PON1: variants seen among roughly 807,000 people sequenced by gnomAD.
PON1 encodes the protein serum paraoxonase/arylesterase 1.
In PON1, 37 loss-of-function variants were observed where a neutral mutation model predicts 39.2. The observed-to-expected ratio is 0.94, with a 90% confidence interval of 0.73 to 1.24. The LOEUF (loss-of-function observed/expected upper bound fraction) is 1.24, where lower values mean the gene tolerates loss of function less well. PON1 is among the 50% of genes most tolerant of loss of function. The probability of loss-of-function intolerance (pLI) is 0.00; values close to 1 mark genes in which losing one functional copy is unlikely to be tolerated. For missense variants in PON1, 397 were observed against 413.5 expected (o/e 0.96, Z 0.35); for synonymous variants, 148 against 152.2 (o/e 0.97, Z 0.21).
chr7:95,298,401 C>A lies in PON1; in HGVS notation c.*543G>T. 1.2e-5 allele frequency: 2 copies of A among 165,394 alleles called. No homozygotes were observed. The highest frequency in any genetic ancestry group is 1.6e-4 in the South Asian group (1 of 6,330). 10.2% of individuals were successfully genotyped at this position (165,394 alleles called of 1,614,324 possible). A position where few individuals can be genotyped will look rare whatever the true frequency, so the allele number is the denominator to read the frequency against. ...TATTTACTGAGAAAAAGTCATATATCGAAGGGAAAATGGGAGTAAGTAAGT... is the reference window on the plus strand; with the variant it reads ...TATTTACTGAGAAAAAGTCATATATAGAAGGGAAAATGGGAGTAAGTAAGT... On this transcript the variant is annotated 3_prime_UTR_variant, in exon 9 of 9. Coordinates refer to ENST00000222381, the MANE Select transcript of PON1 (RefSeq NM_000446.7).
In PON1 at chr7:95,308,143, G is replaced by T. The variant is rs766568477; in HGVS notation, c.566C>A (p.Pro189His). ...ATACATCTCCCAGGATTGTAAGTAG[G>T]GGTCAAGAAAATAGTGATCATTTGT... ...YGTNDHYFLD[P>H]YLQSWEMYLG... The change falls in exon 6 of 9, where the codon CCC becomes CAC. Residue 189 changes from proline to histidine, a missense_variant. By Grantham distance (77) the Pro-to-His change is moderately conservative. Transcript: ENST00000222381. 9.3e-6 allele frequency: 15 copies of T among 1,614,082 alleles called. 1 individual carries two copies. Among genetic ancestry groups the T allele is most frequent in the Middle Eastern group, 1.7e-4 (1 of 6,058 alleles).
intron 5 of PON1, among the ~76,000 whole-genome samples, chr7:95,309,392 T>A (rs1468820345): frequency 6.6e-6 from 1 of 152,130 alleles, no homozygotes; most frequent in Non-Finnish European, 1.5e-5. Flanking sequence ...GATTTTACTC[T>A]CTCTTTTTTA....
At chr7:95,299,149 AAAC>A (rs775192550) in intron 8 of PON1, 47 bp from the exon 9 acceptor site, 10 of 1,561,066 alleles carry the variant, frequency 6.4e-6, no homozygotes, top group Non-Finnish European at 5.3e-6. Flanking sequence ...AAGTCACTTA[AAAC>A]AACCTTATGC....
chr7:95,322,350 GTATATATATATA>G (rs59115637), intron 1 of PON1, among the ~76,000 whole-genome samples: 1 of 134,804 alleles, frequency 7.4e-6, no homozygotes, highest in African/African-American at 2.7e-5. Flanking sequence ...GTGTGTGTGT[GTATATATATATA>G]TATATGCTGT....
intron 1 of PON1, among the ~76,000 whole-genome samples, chr7:95,318,961 T>C (rs992338207): frequency 2.6e-4 from 40 of 152,162 alleles, no homozygotes; most frequent in Admixed American, 7.8e-4. Flanking sequence ...AGCGACTTAT[T>C]AGATATGAGT....
At chr7:95,303,609 G>A (rs756565416) in intron 7 of PON1, among the ~76,000 whole-genome samples, 9 of 152,246 alleles carry the variant, frequency 5.9e-5, no homozygotes, top group African/African-American at 1.4e-4. Flanking sequence ...TGCAAGGAAC[G>A]CAACACCTGG....
chr7:95,311,246 C>T (rs1026632306), intron 5 of PON1, among the ~76,000 whole-genome samples: 1 of 151,952 alleles, frequency 6.6e-6, no homozygotes, highest in Non-Finnish European at 1.5e-5. Context: ...CCAATCAGCT[C>T]GAGAAACAAG....
chr7:95,324,449 G>A lies in PON1; in HGVS notation c.27C>T (p.Leu9=). The stretch of plus-strand genomic sequence containing the variant: ...TGAAGAGTGCCAGTCCCATCCCCAA[G>A]AGGGTGAGCGCAATCAGCTTCGCCA... MAKLIALT[L]LGMGLALFRN... is the part of the protein sequence containing the mutation. The change falls in exon 1 of 9, where the codon CTC becomes CTT. Residue 9 remains leucine (L), a synonymous_variant. Coordinates refer to ENST00000222381, the MANE Select transcript of PON1 (RefSeq NM_000446.7). 1 of 1,614,206 alleles carries A rather than the reference G, an allele frequency of 6.2e-7. No homozygotes were observed. Among genetic ancestry groups the A allele is most frequent in the Middle Eastern group, 1.6e-4 (1 of 6,062 alleles).
chr7:95,297,836 T>G lies in PON1; in HGVS notation c.*1108A>C, dbSNP rs752984651. The G allele has an allele frequency of 6.6e-6, 1 of 152,092 alleles. No individual in the cohort carries two copies. The highest frequency in any genetic ancestry group is 1.5e-5 in the Non-Finnish European group (1 of 68,008). The allele number at this position is 152,092 out of a possible 1,614,324, so 9.4% of individuals were successfully genotyped here. ...GAAAAAAATTTGTTTCTAAAGTCAC[T>G]GCCTTAACACCCTGAAGAAGTAATT... On this transcript the variant is annotated 3_prime_UTR_variant, in exon 9 of 9. Transcript: ENST00000222381.
intron 2 of PON1, among the ~76,000 whole-genome samples, chr7:95,317,320 AAGTT>A (rs1807789680): frequency 2.0e-5 from 3 of 152,130 alleles, no homozygotes; most frequent in African/African-American, 2.4e-5. Context: ...TACTGTCTTC[AAGTT>A]AGTTATACTT....
intron 7 of PON1, among the ~76,000 whole-genome samples, chr7:95,302,666 CATCTCCTTCTAAAA>C (rs1355999417): frequency 2.0e-5 from 3 of 151,820 alleles, no homozygotes; most frequent in African/African-American, 7.3e-5. Flanking sequence ...CATCATAAAA[CATCTCCTTCTAAAA>C]TGGCATGTGG....
intron 7 of PON1, among the ~76,000 whole-genome samples, chr7:95,303,195 C>A (rs1807469814): frequency 1.3e-5 from 2 of 152,148 alleles, no homozygotes. Context: ...TGCAGAAAAC[C>A]AACGTTTCCC....
intron 7 of PON1, among the ~76,000 whole-genome samples, chr7:95,302,710 A>G (rs371381375): frequency 3.5e-4 from 54 of 152,356 alleles, no homozygotes; most frequent in African/African-American, 1.3e-3. Context: ...TTTTATAAGC[A>G]TTCAGAAAAC....
intron 1 of PON1, chr7:95,318,599 G>T: frequency 1.9e-6 from 1 of 535,010 alleles, no homozygotes; most frequent in Non-Finnish European, 3.4e-6. Context: ...TTTAGCAGAG[G>T]TGGATAGGTA....
Position 95,312,426 on chromosome 7 carries a change from GAGA to G in PON1, c.371-852_371-850del. 1.3e-5 allele frequency among the ~76,000 whole-genome samples: 2 copies of G among 152,196 alleles called. 1 individual carries two copies. On this transcript the variant is annotated intron_variant, in intron 4 of 8. Coordinates refer to ENST00000222381, the MANE Select transcript of PON1 (RefSeq NM_000446.7). ...GATGCAAAATTTGGCAGGTTGAATT[GAGA>G]AGATTTGAACAGAGAAAGCTGCTAA...
Position 95,298,759 on chromosome 7 carries a change from A to C in PON1, c.*185T>G. Reference sequence around the variant, plus strand: ...TCAAGTATTCCAAGACTGATTTGATAGTGTATTCTCAAAAAAAAGCCCTAC... The same window carrying C: ...TCAAGTATTCCAAGACTGATTTGATCGTGTATTCTCAAAAAAAAGCCCTAC... On this transcript the variant is annotated 3_prime_UTR_variant, in exon 9 of 9. Coordinates refer to ENST00000222381, the MANE Select transcript of PON1 (RefSeq NM_000446.7). The C allele has an allele frequency of 1.5e-6, 1 of 685,106 alleles. No individual in the cohort carries two copies. The highest frequency in any genetic ancestry group is 1.7e-5 in the South Asian group (1 of 59,044). 42.4% of individuals were successfully genotyped at this position (685,106 alleles called of 1,614,324 possible). A position where few individuals can be genotyped will look rare whatever the true frequency, so the allele number is the denominator to read the frequency against.
chr7:95,300,642 T>A (rs1036922383), intron 8 of PON1, among the ~76,000 whole-genome samples: 2 of 152,200 alleles, frequency 1.3e-5, no homozygotes, highest in African/African-American at 4.8e-5. Flanking sequence ...GATAAGGAAT[T>A]GTTACTACTT....
chr7:95,308,720 C>A (rs147213149), intron 5 of PON1, among the ~76,000 whole-genome samples: 31 of 152,248 alleles, frequency 2.0e-4, no homozygotes, highest in African/African-American at 7.5e-4. Flanking sequence ...TAAGAAAAAT[C>A]AATCTTTTCA....
chr7:95,316,234 G>A (rs974598193), intron 3 of PON1, among the ~76,000 whole-genome samples: 23 of 152,168 alleles, frequency 1.5e-4, no homozygotes, highest in Admixed American at 1.2e-3. Context: ...CGATCTATAT[G>A]CAGGACAGTT....
Sources: gnomAD v4.1 joint callset for allele counts (sites outside exome capture counted in the v4.1 genomes callset) on GRCh38, gnomAD v4.1.1 for gene constraint, MANE v1.5 for transcripts, NCBI Gene and HGNC (gene_info 2026-07-23, HGNC 2026-07-21) for gene names.